The following RBM12 variants were observed in gnomAD, a reference collection of about 807,000 sequenced individuals.
RBM12 encodes the protein RNA-binding protein 12.
In RBM12, 24 loss-of-function variants were observed where a neutral mutation model predicts 37.2. The observed-to-expected ratio is 0.65, with a 90% CI of 0.47 to 0.91. The LOEUF is 0.91. Among genes scored for constraint, RBM12 ranks in the 40% least tolerant of loss-of-function variants. RBM12 has a pLI of 0.00. For missense variants in RBM12, 1,061 were observed against 1,183.2 expected, an observed-to-expected ratio of 0.90 and a Z score of 1.52; for synonymous variants, 420 against 425.2, an observed-to-expected ratio of 0.99 and a Z score of 0.15.
Position 35,652,889 on chromosome 20 carries a change from G to A in RBM12, c.2434C>T (p.Leu812Phe). ...CCCAAATGCCCAGGGGCACTTCCAA[G>A]ACCAGGAGGGCCACTTCCAAACCCC... Reference protein sequence around the residue: ...PPGFGSGPPGLGSAPGHLGGP... With the variant: ...PPGFGSGPPGFGSAPGHLGGP... The change falls in exon 3 of 3, where the codon CTT becomes TTT. Residue 812 changes from leucine to phenylalanine, a missense_variant. This residue lies in a region of RBM12 where 517 missense variants were observed against 534.0 expected (regional missense o/e 0.97). Coordinates refer to ENST00000374114, the MANE Select transcript of RBM12 (RefSeq NM_006047.6). The A allele has an allele frequency of 6.2e-7, 1 of 1,613,546 alleles. No homozygotes were observed. Among genetic ancestry groups the A allele is most frequent in the Non-Finnish European group, 8.5e-7 (1 of 1,179,920 alleles).
In RBM12 at chr20:35,653,144, A is replaced by G; in HGVS notation, c.2179T>C (p.Phe727Leu). Residue 727 changes from phenylalanine to leucine, a missense_variant, in exon 3 of 3, where the codon TTT (phenylalanine) becomes CTT (leucine). By Grantham distance (22) the Phe-to-Leu change is conservative (BLOSUM62 0). Transcript: ENST00000374114. Reference sequence around the variant, plus strand: ...GGCCCAAAGGCATTTGATCCACCAAAATTACCAGGAAAGTTAAATGGAGGC... The same window carrying G: ...GGCCCAAAGGCATTTGATCCACCAAGATTACCAGGAAAGTTAAATGGAGGC... ...NGPPFNFPGN[F>L]GGSNAFGPPI... 6.2e-7 allele frequency: 1 copy of G among 1,613,602 alleles called. No homozygotes were observed. Among genetic ancestry groups the G allele is most frequent in the Non-Finnish European group, 8.5e-7 (1 of 1,180,020 alleles).
chr20:35,659,605 A>C (rs976046016), intron 1 of RBM12, among the ~76,000 whole-genome samples: 1 of 152,252 alleles, frequency 6.6e-6, no homozygotes, highest in African/African-American at 2.4e-5. Flanking sequence ...CAAAATATTA[A>C]GGGAAAGTGT....
intron 2 of RBM12, 147 bp downstream of exon 2, chr20:35,658,783 C>CA (rs2034054327): frequency 7.2e-6 from 4 of 557,666 alleles, no homozygotes; most frequent in South Asian, 2.2e-5. Flanking sequence ...CGTCTCAAAA[C>CA]AAAAAACAAG....
chr20:35,654,333 AT>A lies in RBM12; in HGVS notation c.989del (p.Asp330ValfsTer6). On this transcript the variant is annotated frameshift_variant, in exon 3 of 3. Coordinates refer to ENST00000374114, the MANE Select transcript of RBM12 (RefSeq NM_006047.6). LOFTEE classifies it high-confidence loss of function. ...VRDFFHGLRV[D>X]AVHLLKDHVG... is the part of the protein sequence containing the mutation. ...CATGATCTTTCAACAAATGCACTGC[AT>A]CAACACGGAGCCCATGAAAAAAATC... The A allele has an allele frequency of 6.2e-7, 1 of 1,614,214 alleles. No individual in the cohort carries two copies. The highest frequency in any genetic ancestry group is 8.5e-7 in the Non-Finnish European group (1 of 1,180,036).
At chr20:35,663,732 T>G (rs944651824) in intron 1 of RBM12, among the ~76,000 whole-genome samples, 10 of 152,130 alleles carry the variant, frequency 6.6e-5, no homozygotes, top group African/African-American at 2.2e-4. Context: ...AAAGCACACG[T>G]TGGAGGCACA....
In RBM12 at chr20:35,652,818, AGGGCCG is replaced by A. The variant is rs201181145; in HGVS notation, c.2499_2504del (p.Gly836_Pro837del). The A allele has an allele frequency of 1.1e-3, 1,754 of 1,602,592 alleles. 3 individuals carry two copies. The highest frequency in any genetic ancestry group is 8.3e-4 in the Non-Finnish European group (969 of 1,174,138). On this transcript the variant is annotated inframe_deletion, in exon 3 of 3. Transcript: ENST00000374114. ...GGGGACCACCAATATGGATTGGGCC[AGGGCCG>A]GGGCCGGGGCCGGGGCCAGGCCCAA...
In RBM12 at chr20:35,653,264, G is replaced by A; in HGVS notation, c.2059C>T (p.Leu687=). 1 of 1,613,254 alleles carries A rather than the reference G, an allele frequency of 6.2e-7. No individual in the cohort carries two copies. Among genetic ancestry groups the A allele is most frequent in the Non-Finnish European group, 8.5e-7 (1 of 1,179,566 alleles). ...LPGSAITSAG[L]PGAGMPSAGI... is the part of the protein sequence containing the mutation. ...GCACTGGGCATTCCCGCACCAGGCAGTCCTGCACTGGTTATTGCTGAACCA... is the reference window on the plus strand; with the variant it reads ...GCACTGGGCATTCCCGCACCAGGCAATCCTGCACTGGTTATTGCTGAACCA... The change falls in exon 3 of 3, where the codon CTG becomes TTG. Residue 687 remains leucine, a synonymous_variant. Coordinates refer to ENST00000374114, the MANE Select transcript of RBM12 (RefSeq NM_006047.6).
At chr20:35,656,781 A>G (rs1202262269) in intron 2 of RBM12, among the ~76,000 whole-genome samples, 2 of 147,198 alleles carry the variant, frequency 1.4e-5, no homozygotes, top group African/African-American at 4.9e-5. Context: ...TGCTGGGATT[A>G]CAGGCGTGAG....
chr20:35,654,723 T>A lies in RBM12; in HGVS notation c.600A>T (p.Pro200=), dbSNP rs146987227. 1 of 1,613,668 alleles carries A rather than the reference T, an allele frequency of 6.2e-7. No individual in the cohort carries two copies. The highest frequency in any genetic ancestry group is 8.5e-7 in the Non-Finnish European group (1 of 1,179,616). ...GAATTGGGGGAATGGATGGCATTGG[T>A]GGCAGAGATGGCATCGCTGGAATTG... ...IPPIPAMPSL[P]PMPSIPPIPV... Residue 200 remains proline, a synonymous_variant, in exon 3 of 3, where the codon CCA becomes CCT. Transcript: ENST00000374114.
At chr20:35,656,323 C>T (rs1009238945) in intron 2 of RBM12, among the ~76,000 whole-genome samples, 1 of 152,166 alleles carries the variant, frequency 6.6e-6, no homozygotes, top group Non-Finnish European at 1.5e-5. Context: ...CTGTGATCTC[C>T]TTAGATCATG....
intron 1 of RBM12, 104 bp downstream of exon 1, chr20:35,664,656 A>C (rs1228088749): frequency 6.6e-6 from 1 of 152,438 alleles, no homozygotes; most frequent in Non-Finnish European, 1.5e-5. Flanking sequence ...GTGGGGCGCT[A>C]GTTGCCGCGG....
intron 1 of RBM12, among the ~76,000 whole-genome samples, chr20:35,660,425 C>G (rs1440192775): frequency 6.6e-6 from 1 of 152,088 alleles, no homozygotes; most frequent in African/African-American, 2.4e-5. Flanking sequence ...ATTATGTTAC[C>G]CAGGCTGGTC....
chr20:35,658,561 C>T (rs183067665), intron 2 of RBM12, among the ~76,000 whole-genome samples: 1 of 152,172 alleles, frequency 6.6e-6, no homozygotes, highest in East Asian at 1.9e-4. Context: ...GAGTTCAAGA[C>T]CAGCCTGGCC....
At chr20:35,663,490 A>T (rs751032075) in intron 1 of RBM12, among the ~76,000 whole-genome samples, 1 of 152,092 alleles carries the variant, frequency 6.6e-6, no homozygotes, top group Non-Finnish European at 1.5e-5. Flanking sequence ...TTGCCATCAC[A>T]CTTTTTTCCA....
intron 2 of RBM12, 130 bp downstream of exon 2, chr20:35,658,800 A>AAC (rs759993059): frequency 1.2e-5 from 6 of 481,518 alleles, no homozygotes; most frequent in South Asian, 1.2e-4. Context: ...CAAGCAAACA[A>AAC]AAACACACAC....
At position 35,651,140 on chromosome 20, in the gene RBM12, T is replaced by A. The variant is rs1228628547; in HGVS notation, c.*1384A>T. The A allele has an allele frequency of 6.6e-6, 1 of 152,200 alleles. No homozygotes were observed. The highest frequency in any genetic ancestry group is 6.5e-5 in the Admixed American group (1 of 15,278). 9.4% of individuals were successfully genotyped at this position (152,200 alleles called of 1,614,324 possible). On this transcript the variant is annotated 3_prime_UTR_variant, in exon 3 of 3. Coordinates refer to ENST00000374114, the MANE Select transcript of RBM12 (RefSeq NM_006047.6). ...ACAGTGAGAAAATTTGTTTTTCATA[T>A]CATCTCACCTATCTCCCCTTCCGTA...
Position 35,649,212 on chromosome 20 carries a change from G to A in RBM12, c.*3312C>T, listed in dbSNP as rs908666097. 1 of 152,160 alleles carries A rather than the reference G, an allele frequency of 6.6e-6. No individual in the cohort carries two copies. The highest frequency in any genetic ancestry group is 2.4e-5 in the African/African-American group (1 of 41,434). 9.4% of individuals were successfully genotyped at this position (152,160 alleles called of 1,614,324 possible). A position where few individuals can be genotyped will look rare whatever the true frequency, so the allele number is the denominator to read the frequency against. ...TCCAGAAATTCTTTCCAAAAGATTT[G>A]ACTAGCAGCAATTTTACATTTTCTT... On this transcript the variant is annotated 3_prime_UTR_variant, in exon 3 of 3. Coordinates refer to ENST00000374114, the MANE Select transcript of RBM12 (RefSeq NM_006047.6).
intron 1 of RBM12, among the ~76,000 whole-genome samples, chr20:35,661,863 C>T (rs1001231578): frequency 6.6e-6 from 1 of 152,158 alleles, no homozygotes; most frequent in Admixed American, 6.6e-5. Context: ...TCAACAAGAA[C>T]CAGGGTACAG....
rs1217356196 is a variant in RBM12, at chr20:35,652,553, A to C, written c.2770T>G (p.Ser924Ala). Residue 924 changes from serine to alanine, a missense_variant, in exon 3 of 3, where the codon TCA becomes GCA. By Grantham distance (99) the Ser-to-Ala change is moderately conservative. Around this residue, in one of 3 missense-constraint regions of RBM12, gnomAD observed 517 missense variants for 534.0 expected, o/e 0.97. Transcript: ENST00000374114. ...CCTAATACAAGTTTTACTTTTCTTG[A>C]ACCTATAGGCCTGTCATTTAAGTCA... ...VIDLNDRPIG[S>A]RKVKLVLG 15 of 1,611,208 alleles carry C rather than the reference A, an allele frequency of 9.3e-6. No individual in the cohort carries two copies. Among genetic ancestry groups the C allele is most frequent in the Admixed American group, 3.4e-5 (2 of 59,014 alleles).
Sources: allele counts gnomAD v4.1 joint callset (sites outside exome capture counted in the v4.1 genomes callset), GRCh38; gene constraint gnomAD v4.1.1; regional missense constraint gnomAD v4.1.1; transcripts MANE v1.5; gene names NCBI Gene and HGNC (gene_info 2026-07-23, HGNC 2026-07-21).